The following PCDHA9 variants were observed in gnomAD, a reference collection of about 807,000 sequenced individuals.
PCDHA9 encodes protocadherin alpha 9.
PCDHA9 carries 62 observed loss-of-function variants against 62.0 expected under a neutral mutation model. That is an observed-to-expected ratio of 1.00 (90% CI 0.81 to 1.23). The LOEUF is 1.23. Ranked by LOEUF, PCDHA9 falls within the 50% of genes most tolerant of loss-of-function variation. The probability of loss-of-function intolerance (pLI) is 0.00; values close to 1 mark genes in which losing one functional copy is unlikely to be tolerated. For synonymous variants in PCDHA9, 557 were observed against 567.6 expected (o/e 0.98, Z 0.27); for missense variants, 1,205 against 1,249.8 (o/e 0.96, Z 0.54).
At chr5:140,949,663 T>C (rs1038571728) in intron 1 of PCDHA9, among the ~76,000 whole-genome samples, 2 of 151,872 alleles carry the variant, frequency 1.3e-5, no homozygotes, top group Non-Finnish European at 3.0e-5. Flanking sequence ...TTTGTTTCTT[T>C]AAAGTATGCC....
chr5:140,929,327 T>A (rs782155915), intron 1 of PCDHA9: 1 of 1,536,752 alleles, frequency 6.5e-7, no homozygotes, highest in Admixed American at 2.1e-5. Context: ...AATGCCATGG[T>A]AAGCAAATTT....
chr5:140,872,717 T>TA (rs781995084), intron 1 of PCDHA9, among the ~76,000 whole-genome samples: 11 of 152,194 alleles, frequency 7.2e-5, no homozygotes, highest in Non-Finnish European at 1.5e-4. Context: ...ACTAGGTAAA[T>TA]AAAATTATTC....
chr5:140,888,640 A>G (rs2153424746), intron 1 of PCDHA9, among the ~76,000 whole-genome samples: 1 of 152,282 alleles, frequency 6.6e-6, no homozygotes, highest in East Asian at 1.9e-4. Context: ...TTACAGCAAT[A>G]CTTTCCTGAG....
At chr5:140,863,497 C>A in intron 1 of PCDHA9, 1 of 434,948 alleles carries the variant, frequency 2.3e-6, no homozygotes, top group South Asian at 1.8e-5. Context: ...AACATTACGG[C>A]TTTTAGTCCT....
intron 1 of PCDHA9, among the ~76,000 whole-genome samples, chr5:140,977,853 C>T (rs2096777992): frequency 6.6e-6 from 1 of 152,212 alleles, no homozygotes; most frequent in Admixed American, 6.5e-5. Context: ...GGCTTTGTTT[C>T]TACCAAATAT....
rs1181136155 is a variant in PCDHA9, at chr5:140,966,778, G to C, written c.2395-12171G>C. Reference sequence around the variant, plus strand: ...CGCGGCCAGTGGCTATGGAGCAGGCGGGCACCAGACCTGCGGCGACAGAGC... The same window carrying C: ...CGCGGCCAGTGGCTATGGAGCAGGCCGGCACCAGACCTGCGGCGACAGAGC... On this transcript the variant is annotated intron_variant, in intron 1 of 3. Transcript: ENST00000532602. The C allele has an allele frequency of 4.0e-6, 6 of 1,512,380 alleles. No homozygotes were observed. The African/African-American group carries it at 8.3e-5, about 21-fold the overall frequency. The allele number at this position is 1,512,380 out of a possible 1,614,324, so 93.7% of individuals were successfully genotyped here. A position where few individuals can be genotyped will look rare whatever the true frequency, so the allele number is the denominator to read the frequency against.
chr5:140,969,286 T>C (rs2096315830), intron 1 of PCDHA9: 3 of 1,614,076 alleles, frequency 1.9e-6, no homozygotes, highest in Admixed American at 1.7e-5. Flanking sequence ...GTCAGAATGC[T>C]GGGAACCTGA....
intron 1 of PCDHA9, chr5:140,967,750 C>G (rs782284231): frequency 6.2e-7 from 1 of 1,614,190 alleles, no homozygotes; most frequent in South Asian, 1.1e-5. Flanking sequence ...ATGAGGAAGC[C>G]TCCTCCTACC....
intron 1 of PCDHA9, chr5:140,856,650 G>A (rs2044132398): frequency 1.3e-6 from 2 of 1,598,026 alleles, no homozygotes; most frequent in African/African-American, 2.7e-5. Flanking sequence ...CTGCTGGATC[G>A]TGAAGAAAAT....
intron 1 of PCDHA9, chr5:140,870,420 G>T (rs371557347): frequency 1.4e-5 from 23 of 1,614,116 alleles, no homozygotes; most frequent in Non-Finnish European, 1.9e-5. Flanking sequence ...CCACGGCCAG[G>T]GTATCCGTGG....
At chr5:140,967,428 C>T (rs782709354) in intron 1 of PCDHA9, 2 of 1,613,402 alleles carry the variant, frequency 1.2e-6, no homozygotes, top group East Asian at 4.5e-5. Context: ...GAGCAGGCAG[C>T]CTTGCACCAC....
intron 1 of PCDHA9, chr5:140,968,357 C>T: frequency 6.2e-7 from 1 of 1,614,080 alleles, no homozygotes; most frequent in Non-Finnish European, 8.5e-7. Context: ...CAGTGGCAGC[C>T]TTTATGCTGT....
intron 1 of PCDHA9, among the ~76,000 whole-genome samples, chr5:140,970,178 A>T (rs1190328996): frequency 6.6e-6 from 1 of 152,214 alleles, no homozygotes; most frequent in East Asian, 1.9e-4. Context: ...GCATACTCTG[A>T]ATTCATTGTA....
At chr5:140,967,947 C>A in intron 1 of PCDHA9, 1 of 1,614,222 alleles carries the variant, frequency 6.2e-7, no homozygotes, top group Non-Finnish European at 8.5e-7. Flanking sequence ...GACCAAGACT[C>A]AGGCCCCAAC....
In PCDHA9 at chr5:140,856,841, G is replaced by C. The variant is rs781868199; in HGVS notation, c.2394+5952G>C. The C allele has an allele frequency of 2.2e-5, 35 of 1,592,304 alleles. 4 individuals are homozygous for C. The Middle Eastern group carries it at 5.0e-4, about 23-fold the overall frequency. ...CCAAACATTAGTAATACGGCTCAAC[G>C]CTTCTGATTCGGATGAAGGAATAAA... On this transcript the variant is annotated intron_variant, in intron 1 of 3. Coordinates refer to ENST00000532602, the MANE Select transcript of PCDHA9 (RefSeq NM_031857.2).
At chr5:140,869,218 G>A in intron 1 of PCDHA9, 1 of 1,613,824 alleles carries the variant, frequency 6.2e-7, no homozygotes, top group Non-Finnish European at 8.5e-7. Context: ...CTCGGAGGAG[G>A]CCAAACACGG....
intron 1 of PCDHA9, chr5:140,869,485 G>A: frequency 6.2e-7 from 1 of 1,614,158 alleles, no homozygotes; most frequent in Non-Finnish European, 8.5e-7. Context: ...GGACATTAAC[G>A]ACAACCCGCC....
chr5:140,881,680 T>G (rs1391876461), intron 1 of PCDHA9, among the ~76,000 whole-genome samples: 1 of 152,268 alleles, frequency 6.6e-6, no homozygotes. Flanking sequence ...GTGATTGTTA[T>G]GTTTCCTTTT....
chr5:140,878,790 CTT>C (rs2057728380), intron 1 of PCDHA9, among the ~76,000 whole-genome samples: 1 of 152,154 alleles, frequency 6.6e-6, no homozygotes. Context: ...TGTTCAATCA[CTT>C]TTTAAAAACA....
Sources: gnomAD v4.1 joint callset for allele counts (sites outside exome capture counted in the v4.1 genomes callset) on GRCh38, gnomAD v4.1.1 for gene constraint, MANE v1.5 for transcripts, NCBI Gene and HGNC (gene_info 2026-07-23, HGNC 2026-07-21) for gene names.